TAP2: variants seen among roughly 807,000 people sequenced by gnomAD.
TAP2 encodes the protein transporter 2, ATP binding cassette subfamily B member.
A neutral mutation model predicts 74.7 loss-of-function variants in TAP2; 49 were observed. The ratio of observed to expected loss-of-function variants is 0.66; its 90% CI spans 0.52 to 0.83. The LOEUF (loss-of-function observed/expected upper bound fraction) is 0.83. TAP2 is among the 40% of genes least tolerant of loss of function. The pLI is 0.00. For missense variants in TAP2, 739 were observed against 859.0 expected (o/e 0.86, Z 1.75); for synonymous variants, 306 against 368.4 (o/e 0.83, Z 1.94).
At position 32,833,523 on chromosome 6, in the gene TAP2, G is replaced by A. The variant is rs191841725; in HGVS notation, c.946-699C>T. On this transcript the variant is annotated intron_variant, in intron 5 of 11. Transcript: ENST00000374897. ...GAAACATAAGTGGCCAAAATCACAC[G>A]AAAAGATGCTCAATATTTACTAATC... is the stretch of plus-strand genomic sequence containing the variant. Among the ~76,000 whole-genome samples the A allele has an allele frequency of 1.9e-3, 287 of 152,132 alleles. 4 individuals are homozygous for A. Among genetic ancestry groups the A allele is most frequent in the Admixed American group, 7.6e-3 (116 of 15,288 alleles).
Position 32,835,533 on chromosome 6 carries a change from T to TCCCCCC in TAP2, c.739+109_739+110insGGGGGG. The stretch of plus-strand genomic sequence containing the variant: ...CCCTGTCCCAAACAAGAGAAAAGCA[T>TCCCCCC]CCCCAAGTCCTGGCATACGGGTGAA... On this transcript the variant is annotated intron_variant, in intron 4 of 11. Transcript: ENST00000374897. The surrounding 1 kb of genome is among the most constrained non-coding windows in gnomAD (Gnocchi z 4.0). 7 of 1,541,944 alleles carry TCCCCCC rather than the reference T, an allele frequency of 4.5e-6. No homozygotes were observed. The highest frequency in any genetic ancestry group is 6.2e-6 in the Non-Finnish European group (7 of 1,123,832).
intron 3 of TAP2, among the ~76,000 whole-genome samples, chr6:32,837,246 TTGAGAGACAAC>T (rs1769477059): frequency 6.6e-6 from 1 of 152,134 alleles, no homozygotes; most frequent in African/African-American, 2.4e-5. Flanking sequence ...CCTAGGAATG[TTGAGAGACAAC>T]TGAGAGACAT....
intron 10 of TAP2, 65 bp downstream of exon 10, chr6:32,829,865 A>T: frequency 8.7e-6 from 14 of 1,604,780 alleles, no homozygotes; most frequent in Non-Finnish European, 1.2e-5. Context: ...GACCTTCACC[A>T]CTAAGAGTAA....
Position 32,826,216 on chromosome 6 carries a change from C to A in TAP2, c.*2690G>T, listed in dbSNP as rs1232518393. On this transcript the variant is annotated 3_prime_UTR_variant, in exon 12 of 12. Transcript: ENST00000374897. ...TGCCATGTGGATTACAAGTGGCTAT[C>A]CCTGGGTGGAGGCATAAAGGACTTG... The A allele has an allele frequency of 2.0e-6, 2 of 985,300 alleles. No homozygotes were observed. Among genetic ancestry groups the A allele is most frequent in the Non-Finnish European group, 2.4e-6 (2 of 829,954 alleles). 61.0% of individuals were successfully genotyped at this position (985,300 alleles called of 1,614,324 possible). A position where few individuals can be genotyped will look rare whatever the true frequency, so the allele number is the denominator to read the frequency against.
chr6:32,822,382 T>A, downstream of TAP2: 1 of 1,082,926 alleles, frequency 9.2e-7, no homozygotes, highest in South Asian at 1.5e-5. Flanking sequence ...TGTGCTAGAA[T>A]CTGTTTGCAA....
intron 5 of TAP2, among the ~76,000 whole-genome samples, chr6:32,834,499 C>T (rs1411019833): frequency 6.6e-6 from 1 of 152,110 alleles, no homozygotes; most frequent in African/African-American, 2.4e-5. Flanking sequence ...GGGTAGTAGG[C>T]AGTTACTATT....
In TAP2 at chr6:32,827,001, G is replaced by C. The variant is rs541507863; in HGVS notation, c.*1905C>G. 3.0e-6 allele frequency: 3 copies of C among 985,452 alleles called. No homozygotes were observed. In the South Asian group the frequency reaches 1.4e-4, roughly 46 times the overall value. The allele number at this position is 985,452 out of a possible 1,614,324, so 61.0% of individuals were successfully genotyped here. ...ATTTTACCCTCTGTGAAATTTGAGA[G>C]ATGGATGGGTGTGGAGCTGCAAGTC... On this transcript the variant is annotated 3_prime_UTR_variant, in exon 12 of 12. Coordinates refer to ENST00000374897, the MANE Select transcript of TAP2 (RefSeq NM_001290043.2).
intron 11 of TAP2, 56 bp from the exon 12 acceptor site, chr6:32,829,090 C>T: frequency 1.3e-6 from 2 of 1,520,542 alleles, no homozygotes; most frequent in Non-Finnish European, 1.8e-6. Context: ...ACACCACATC[C>T]ACCTGGGCAC....
At position 32,835,797 on chromosome 6, in the gene TAP2, G is replaced by T; in HGVS notation, c.609-24C>A. ...AGCTGTGGGGTAGGAGAATAAGAGGGGAGGGAGATGCAGAGAAGGAGCAAG... is the reference window on the plus strand; with the variant it reads ...AGCTGTGGGGTAGGAGAATAAGAGGTGAGGGAGATGCAGAGAAGGAGCAAG... On this transcript the variant is annotated intron_variant, in intron 3 of 11. Transcript: ENST00000374897. The surrounding 1 kb of genome is among the most constrained non-coding windows in gnomAD (Gnocchi z 4.0). 4 of 1,613,130 alleles carry T rather than the reference G, an allele frequency of 2.5e-6. No individual in the cohort carries two copies. The highest frequency in any genetic ancestry group is 3.4e-6 in the Non-Finnish European group (4 of 1,179,982).
At chr6:32,825,126 T>TTATATATATATATATATATATA (rs28381588), downstream of TAP2, among the ~76,000 whole-genome samples, 3,969 of 139,406 alleles carry the variant, frequency 0.028, 116 homozygotes, top group East Asian at 0.072. Flanking sequence ...TGTCTGTTGG[T>TTATATATATATATATATATATA]TATATACATA....
chr6:32,829,469 A>G lies in TAP2; in HGVS notation c.1863T>C (p.Leu621=), dbSNP rs1170382908. The change falls in exon 11 of 12, where the codon CTT becomes CTC. Residue 621 remains leucine, a synonymous_variant. Transcript: ENST00000374897. ...QKQRLAIARA[L]VRDPRVLILD... The stretch of plus-strand genomic sequence containing the variant: ...GGATGAGGACCCGCGGGTCTCGTAC[A>G]AGGGCCCGGGCAATGGCCAGACGTT... The G allele has an allele frequency of 1.9e-6, 3 of 1,613,980 alleles. No individual in the cohort carries two copies.
downstream of TAP2, among the ~76,000 whole-genome samples, chr6:32,824,904 A>G (rs1405641731): frequency 6.6e-6 from 1 of 151,938 alleles, no homozygotes; most frequent in Non-Finnish European, 1.5e-5. Context: ...TTATCGTTAC[A>G]GTCATATTTC....
In TAP2 at chr6:32,838,184, G is replaced by A. The variant is rs779204798; in HGVS notation, c.50C>T (p.Ala17Val). 1.4e-5 allele frequency: 22 copies of A among 1,593,236 alleles called. No individual in the cohort carries two copies. In the South Asian group the frequency reaches 1.8e-4, roughly 13 times the overall value. ...GCCCTGAAGCAGCCACAGTAAAGCC[G>A]CGTCCACCAGCAGCAGGGAGGTCCA... ...RPWTSLLLVD[A>V]ALLWLLQGPL... The change falls in exon 2 of 12, where the codon GCG becomes GTG. Residue 17 changes from alanine (A) to valine (V), a missense_variant. By Grantham distance (64) the Ala-to-Val change is moderately conservative. Transcript: ENST00000374897.
At position 32,828,305 on chromosome 6, in the gene TAP2, C is replaced by T. The variant is rs1768787697; in HGVS notation, c.*601G>A. 1.0e-6 allele frequency: 1 copy of T among 985,294 alleles called. No individual in the cohort carries two copies. The allele number at this position is 985,294 out of a possible 1,614,324, so 61.0% of individuals were successfully genotyped here. On this transcript the variant is annotated 3_prime_UTR_variant, in exon 12 of 12. Coordinates refer to ENST00000374897, the MANE Select transcript of TAP2 (RefSeq NM_001290043.2). ...GCTATTAATACTGTTAATCAGGGAA[C>T]TGTTCTCTGTCCCTCCAGACCCTAG... is the stretch of plus-strand genomic sequence containing the variant.
chr6:32,833,798 A>T (rs1031066102), intron 5 of TAP2, among the ~76,000 whole-genome samples: 3 of 152,040 alleles, frequency 2.0e-5, no homozygotes, highest in African/African-American at 7.3e-5. Flanking sequence ...TGTGGGAGGG[A>T]CTGGGTAGGA....
chr6:32,822,278 T>G, downstream of TAP2: 1 of 1,543,426 alleles, frequency 6.5e-7, no homozygotes, highest in Non-Finnish European at 8.9e-7. Context: ...CCAGGAAATA[T>G]CCATTGAAAT....
chr6:32,835,192 T>C lies in TAP2; in HGVS notation c.907A>G (p.Thr303Ala). The change falls in exon 5 of 12, where the codon ACA becomes GCA. Residue 303 changes from threonine (T) to alanine (A), a missense_variant. Thr to Ala is a moderately conservative substitution (Grantham distance 58). Coordinates refer to ENST00000374897, the MANE Select transcript of TAP2 (RefSeq NM_001290043.2). This position sits in a 1 kb window ranked among gnomAD's most constrained non-coding sequence, Gnocchi z 4.0. ...TTGTACACCTTCTCCGCTGCTATTG[T>C]GAAGGGCATGTGCAGCAGAGAAAGG... ...TLLSLLHMPFTIAAEKVYNTR... is the reference protein window; with the variant it reads ...TLLSLLHMPFAIAAEKVYNTR... 6.2e-7 allele frequency: 1 copy of C among 1,613,040 alleles called. No homozygotes were observed. The highest frequency in any genetic ancestry group is 1.1e-5 in the South Asian group (1 of 91,086).
In TAP2 at chr6:32,835,802, G is replaced by C; in HGVS notation, c.609-29C>G. 1 of 1,613,044 alleles carries C rather than the reference G, an allele frequency of 6.2e-7. No individual in the cohort carries two copies. ...TGGGGTAGGAGAATAAGAGGGGAGG[G>C]AGATGCAGAGAAGGAGCAAGCCAGC... On this transcript the variant is annotated intron_variant, in intron 3 of 11. Coordinates refer to ENST00000374897, the MANE Select transcript of TAP2 (RefSeq NM_001290043.2). The surrounding 1 kb of genome is among the most constrained non-coding windows in gnomAD (Gnocchi z 4.0).
At chr6:32,822,569 T>C (rs1443558147), downstream of TAP2, among the ~76,000 whole-genome samples, 1 of 152,226 alleles carries the variant, frequency 6.6e-6, no homozygotes, top group Non-Finnish European at 1.5e-5. Context: ...AGACAAGGCC[T>C]CACTCTGTTG....
Sources: gnomAD v4.1 joint callset for allele counts (sites outside exome capture counted in the v4.1 genomes callset) on GRCh38, gnomAD v4.1.1 for gene constraint, Gnocchi (gnomAD v3.1) non-coding constraint, MANE v1.5 for transcripts, NCBI Gene and HGNC (gene_info 2026-07-23, HGNC 2026-07-21) for gene names.